CUBN: variants seen among roughly 807,000 people sequenced by gnomAD.
CUBN encodes the protein 460 kDa receptor.
Under a neutral mutation model 405.3 loss-of-function variants are expected in CUBN, and 282 were observed. The ratio of observed to expected loss-of-function variants is 0.70; its 90% CI spans 0.63 to 0.77. CUBN has a LOEUF of 0.77. Among genes scored for constraint, CUBN ranks in the 30% least tolerant of loss-of-function variants. The pLI, the probability that CUBN is intolerant of heterozygous loss-of-function variation, is 0.00. For synonymous variants in CUBN, 1,684 were observed against 1,617.0 expected (o/e 1.04, Z -0.99); for missense variants, 4,514 against 4,475.2 (o/e 1.01, Z -0.25).
intron 31 of CUBN, among the ~76,000 whole-genome samples, chr10:16,971,671 C>T (rs1410321085): frequency 2.0e-5 from 3 of 152,054 alleles, no homozygotes; most frequent in Non-Finnish European, 4.4e-5. Flanking sequence ...CTAAAAAGTA[C>T]AACATTCATA....
rs759019306 is a variant in CUBN at position 16,925,310 on chromosome 10, CA to C, written c.6576del (p.Phe2192LeufsTer24). The C allele has an allele frequency of 2.5e-5, 40 of 1,613,762 alleles. No individual in the cohort carries two copies. Among genetic ancestry groups the C allele is most frequent in the Non-Finnish European group, 3.1e-5 (37 of 1,179,780 alleles). ...TTACTGTGATCAGAAATAAACTGAA[CA>C]AACATTTGATTATCCGAGGTGAACA... ...STLFTSDNQM[F>X]VQFISDHSNE... On this transcript the variant is annotated frameshift_variant, in exon 43 of 67. Coordinates refer to ENST00000377833, the MANE Select transcript of CUBN (RefSeq NM_001081.4). LOFTEE classifies it high-confidence loss of function.
At chr10:16,844,224 G>A (rs1011489661) in intron 60 of CUBN, among the ~76,000 whole-genome samples, 7 of 145,918 alleles carry the variant, frequency 4.8e-5, no homozygotes, top group Admixed American at 4.2e-4. Context: ...AGCCAAGATC[G>A]CACCACTGCA....
At chr10:17,111,643 G>T (rs1836774639) in intron 8 of CUBN, among the ~76,000 whole-genome samples, 1 of 152,160 alleles carries the variant, frequency 6.6e-6, no homozygotes. Context: ...ACTAAATGTG[G>T]CTGGGCAAGG....
chr10:17,119,868 A>C (rs1448659575), intron 6 of CUBN, among the ~76,000 whole-genome samples: 1 of 152,202 alleles, frequency 6.6e-6, no homozygotes, highest in Non-Finnish European at 1.5e-5. Context: ...AAGAATTTCC[A>C]CCAGAAGTTT....
In CUBN at chr10:17,046,055, G is replaced by C; in HGVS notation, c.3369C>G (p.Phe1123Leu). 6.2e-7 allele frequency: 1 copy of C among 1,613,754 alleles called. No homozygotes were observed. Among genetic ancestry groups the C allele is most frequent in the Non-Finnish European group, 8.5e-7 (1 of 1,179,748 alleles). The part of the protein sequence containing the change: ...GYEKSPLLGI[F>L]YGSNLPPTII... ...TTGTTGGGGGTAGATTTGAGCCATA[G>C]AATATTCCCAGCAATGGTGATTTTT... The change falls in exon 24 of 67, where the codon TTC becomes TTG. Residue 1123 changes from phenylalanine (F) to leucine (L), a missense_variant. By Grantham distance (22) the Phe-to-Leu change is conservative. Coordinates refer to ENST00000377833, the MANE Select transcript of CUBN (RefSeq NM_001081.4).
At chr10:17,102,498 G>A (rs1029095414) in intron 13 of CUBN, among the ~76,000 whole-genome samples, 2 of 151,118 alleles carry the variant, frequency 1.3e-5, no homozygotes, top group African/African-American at 4.9e-5. Context: ...TGTTGGCCAG[G>A]CTGGTCTTGA....
At chr10:17,074,257 T>C (rs571321917) in intron 17 of CUBN, among the ~76,000 whole-genome samples, 65 of 152,334 alleles carry the variant, frequency 4.3e-4, no homozygotes, top group Middle Eastern at 3.4e-3. Context: ...ACTTCATTGT[T>C]ACCTAACCAA....
At chr10:17,052,568 C>T (rs542573819) in intron 22 of CUBN, among the ~76,000 whole-genome samples, 4 of 151,486 alleles carry the variant, frequency 2.6e-5, no homozygotes, top group African/African-American at 9.7e-5. Flanking sequence ...ACCAGCCTGG[C>T]CAACATGGTG....
chr10:16,969,094 T>C (rs1283979311), intron 31 of CUBN, among the ~76,000 whole-genome samples: 1 of 152,230 alleles, frequency 6.6e-6, no homozygotes, highest in East Asian at 1.9e-4. Context: ...TGTGATGTTA[T>C]CTAAGTGCTC....
chr10:16,889,345 C>T (rs10904831), intron 55 of CUBN, among the ~76,000 whole-genome samples: 12,183 of 152,202 alleles, frequency 0.08, 969 homozygotes, highest in East Asian at 0.32. Flanking sequence ...AACCTGTCTA[C>T]TGTATTACTT....
intron 44 of CUBN, among the ~76,000 whole-genome samples, chr10:16,919,508 T>C (rs1194412570): frequency 1.3e-5 from 2 of 152,228 alleles, no homozygotes; most frequent in African/African-American, 2.4e-5. Flanking sequence ...TCTTATTAAA[T>C]AAAGACTGAG....
In CUBN at chr10:16,889,953, A is replaced by G. The variant is rs11254264; in HGVS notation, c.8755+418T>C. Among the ~76,000 whole-genome samples, 16 of 118,010 alleles carry G rather than the reference A, an allele frequency of 1.4e-4. 3 individuals are homozygous for G. The highest frequency in any genetic ancestry group is 4.1e-3 in the Middle Eastern group (1 of 244). The allele number at this position is 118,010 out of a possible 152,430, so 77.4% of individuals were successfully genotyped here. On this transcript the variant is annotated intron_variant, in intron 55 of 66. Transcript: ENST00000377833. ...GCCGTGTCAAAAAAAAAAAAAAAAA[A>G]CAGGAAAGACTTCGTCATGGAAATT...
At chr10:16,886,342 C>T (rs1840813721) in intron 56 of CUBN, among the ~76,000 whole-genome samples, 1 of 152,102 alleles carries the variant, frequency 6.6e-6, no homozygotes, top group South Asian at 2.1e-4. Flanking sequence ...ATGTTGAATG[C>T]TATAGAACAT....
At chr10:16,889,953 A>AAAAAAAAAAAAAAAAAAAAAAAAACAAAG (rs57009841) in intron 55 of CUBN, among the ~76,000 whole-genome samples, 1 of 118,014 alleles carries the variant, frequency 8.5e-6, no homozygotes, top group African/African-American at 4.2e-5. Flanking sequence ...AAAAAAAAAA[A>AAAAAAAAAAAAAAAAAAAAAAAAACAAAG]CAGGAAAGAC....
At chr10:17,039,226 T>A (rs1834964659) in intron 27 of CUBN, among the ~76,000 whole-genome samples, 1 of 152,214 alleles carries the variant, frequency 6.6e-6, no homozygotes, top group East Asian at 1.9e-4. Flanking sequence ...TCATGAGTCC[T>A]ATTTTGGTTT....
At position 16,836,513 on chromosome 10, in the gene CUBN, T is replaced by A; in HGVS notation, c.10033-131A>T. 9 of 903,340 alleles carry A rather than the reference T, an allele frequency of 1.0e-5. 1 individual carries two copies. The South Asian group carries it at 1.3e-4, about 13-fold the overall frequency. 56.0% of individuals were successfully genotyped at this position (903,340 alleles called of 1,614,324 possible). A position where few individuals can be genotyped will look rare whatever the true frequency, so the allele number is the denominator to read the frequency against. Reference sequence around the variant, plus strand: ...TGGAAACCAGCTCTGCTGTTGGAAGTGCTCTGCAAGAAGACTCACGTTGGC... The same window carrying A: ...TGGAAACCAGCTCTGCTGTTGGAAGAGCTCTGCAAGAAGACTCACGTTGGC... On this transcript the variant is annotated intron_variant, in intron 62 of 66. Transcript: ENST00000377833.
chr10:17,100,293 G>T, intron 13 of CUBN, 54 bp from the exon 14 acceptor site: 1 of 1,227,258 alleles, frequency 8.1e-7, no homozygotes, highest in Non-Finnish European at 1.2e-6. Flanking sequence ...AAATTTTAAA[G>T]TATTTCTCCC....
rs1306107723 is a variant in CUBN, at chr10:16,869,777, T to C, written c.9313A>G (p.Ser3105Gly). ...CAGAATTTGCCAAGAAGGGGATCGC[T>C]GGTATTGGCACCATCGTAAATTGCC... ...YLAIYDGANT[S>G]DPLLGKFCGS... The change falls in exon 59 of 67, where the codon AGC becomes GGC. Residue 3105 changes from serine (S) to glycine (G), a missense_variant. Physicochemically the swap from Ser to Gly is moderately conservative, Grantham distance 56. Transcript: ENST00000377833. 14 of 1,614,014 alleles carry C rather than the reference T, an allele frequency of 8.7e-6. No homozygotes were observed. The highest frequency in any genetic ancestry group is 1.3e-5 in the African/African-American group (1 of 74,934).
At chr10:16,983,356 A>C (rs991468338) in intron 30 of CUBN, among the ~76,000 whole-genome samples, 1 of 152,164 alleles carries the variant, frequency 6.6e-6, no homozygotes, top group Non-Finnish European at 1.5e-5. Flanking sequence ...GTTATGATAG[A>C]GTTGAAGAAG....
Sources: allele counts gnomAD v4.1 joint callset (sites outside exome capture counted in the v4.1 genomes callset), GRCh38; gene constraint gnomAD v4.1.1; transcripts MANE v1.5; gene names NCBI Gene and HGNC (gene_info 2026-07-23, HGNC 2026-07-21).